Variants in LRFN5 observed in about 807,000 individuals in gnomAD.
The protein encoded by LRFN5 is leucine-rich repeat and fibronectin type-III domain-containing protein 5.
A neutral mutation model predicts 45.6 loss-of-function variants in LRFN5; 24 were observed. That is an observed-to-expected ratio of 0.53 (90% CI 0.38 to 0.74). The LOEUF (loss-of-function observed/expected upper bound fraction) is 0.74. LRFN5 is among the 30% of genes least tolerant of loss of function. The pLI is 0.00. For missense variants in LRFN5, 776 were observed against 861.5 expected, an observed-to-expected ratio of 0.90 and a Z score of 1.24; for synonymous variants, 340 against 313.8, an observed-to-expected ratio of 1.08 and a Z score of -0.88.
At position 41,893,176 on chromosome 14, in the gene LRFN5, A is replaced by G. The variant is rs545324927; in HGVS notation, c.2098+1214A>G. The G allele has an allele frequency of 7.7e-4, 755 of 982,424 alleles. 7 individuals carry two copies. The African/African-American group carries it at 0.012, about 15-fold the overall frequency. 60.9% of individuals were successfully genotyped at this position (982,424 alleles called of 1,614,324 possible). On this transcript the variant is annotated intron_variant, in intron 4 of 5. Coordinates refer to ENST00000298119, the MANE Select transcript of LRFN5 (RefSeq NM_152447.5). ...ACTGTGATAAATCTAACTAGAAATC[A>G]TGCTGCTTAGTGAGAATACATAATT...
At position 41,856,680 on chromosome 14, in the gene LRFN5, T is replaced by TTTTTTTTTTA. The variant is rs1889477274; in HGVS notation, c.-20-29917_-20-29916insATTTTTTTTT. On this transcript the variant is annotated intron_variant, in intron 2 of 5. Transcript: ENST00000298119. ...TCCTAATTATTATTATTATTATTTT[T>TTTTTTTTTTA]TTTTTTTTTTTTTTGAGACGGAGTC... Among the ~76,000 whole-genome samples the TTTTTTTTTTA allele has an allele frequency of 7.0e-5, 4 of 57,220 alleles. 1 individual carries two copies. The East Asian group carries it at 1.5e-3, about 22-fold the overall frequency. The allele number at this position is 57,220 out of a possible 152,430, so 37.5% of individuals were successfully genotyped here. A position where few individuals can be genotyped will look rare whatever the true frequency, so the allele number is the denominator to read the frequency against.
intron 2 of LRFN5, among the ~76,000 whole-genome samples, chr14:41,787,442 C>CT (rs531759821): frequency 7.0e-4 from 107 of 151,884 alleles, no homozygotes; most frequent in African/African-American, 2.5e-3. Context: ...CATTGCTACT[C>CT]TTTTTTTAGC....
intron 2 of LRFN5, among the ~76,000 whole-genome samples, chr14:41,768,829 A>G (rs1885979694): frequency 6.6e-6 from 1 of 152,182 alleles, no homozygotes; most frequent in South Asian, 2.1e-4. Flanking sequence ...GTAAATCACA[A>G]AACAAAGTAA....
intron 1 of LRFN5, among the ~76,000 whole-genome samples, chr14:41,690,523 C>T (rs1001383778): frequency 1.3e-5 from 2 of 152,038 alleles, no homozygotes; most frequent in Non-Finnish European, 2.9e-5. Flanking sequence ...CTACTGCACT[C>T]CAGCCTAGGT....
chr14:41,845,793 C>T (rs144595020), intron 2 of LRFN5, among the ~76,000 whole-genome samples: 1 of 152,204 alleles, frequency 6.6e-6, no homozygotes, highest in Non-Finnish European at 1.5e-5. Flanking sequence ...TATAGCTAAC[C>T]GCTGTAAATG....
rs945162975 is a variant in LRFN5, at chr14:41,757,252, C to T, written c.-196-9602C>T. 1.1e-4 allele frequency among the ~76,000 whole-genome samples: 16 copies of T among 152,044 alleles called. No homozygotes were observed. The South Asian group carries it at 1.5e-3, about 14-fold the overall frequency. ...CTGTTTGTTCTCAGATCTCCAGCTGCGTGCTGGGAGAACCACTACTCTCTT... is the reference window on the plus strand; with the variant it reads ...CTGTTTGTTCTCAGATCTCCAGCTGTGTGCTGGGAGAACCACTACTCTCTT... On this transcript the variant is annotated intron_variant, in intron 1 of 5. Transcript: ENST00000298119.
intron 2 of LRFN5, among the ~76,000 whole-genome samples, chr14:41,778,529 A>G (rs1001287672): frequency 6.6e-6 from 1 of 151,676 alleles, no homozygotes; most frequent in Non-Finnish European, 1.5e-5. Context: ...TATTATCATC[A>G]TGATTATGGT....
chr14:41,891,905 C>G lies in LRFN5; in HGVS notation c.2041C>G (p.Arg681Gly). The change falls in exon 4 of 6, where the codon CGT (arginine) becomes GGT (glycine). Residue 681 changes from arginine (R) to glycine (G), a missense_variant. Arg to Gly is a moderately radical substitution (Grantham distance 125). Around this residue, in one of 2 missense-constraint regions of LRFN5, gnomAD observed 465 missense variants for 456.4 expected, o/e 1.02. Coordinates refer to ENST00000298119, the MANE Select transcript of LRFN5 (RefSeq NM_152447.5). ...NNSTALQLAS[R>G]PPDSVTEGPT... ...CTCAACTGCCTTGCAGTTAGCTAGC[C>G]GTCCTCCCGATTCTGTCACAGAGGG... The G allele has an allele frequency of 6.2e-7, 1 of 1,614,106 alleles. No individual in the cohort carries two copies. Among genetic ancestry groups the G allele is most frequent in the Non-Finnish European group, 8.5e-7 (1 of 1,180,036 alleles).
At chr14:41,899,039 G>A (rs1891027534) in intron 5 of LRFN5, 79 bp downstream of exon 5, 1 of 1,149,812 alleles carries the variant, frequency 8.7e-7, no homozygotes, top group South Asian at 1.5e-5. Flanking sequence ...TAAGTAATTA[G>A]TTTGCTAATT....
intron 2 of LRFN5, among the ~76,000 whole-genome samples, chr14:41,885,060 T>C (rs1890516492): frequency 6.6e-6 from 1 of 151,198 alleles, no homozygotes; most frequent in Non-Finnish European, 1.5e-5. Flanking sequence ...CTTCATGCAA[T>C]GGGCTGAGTA....
At chr14:41,611,345 A>G (rs1004870761) in intron 1 of LRFN5, among the ~76,000 whole-genome samples, 8 of 152,204 alleles carry the variant, frequency 5.3e-5, no homozygotes, top group African/African-American at 1.9e-4. Context: ...TTTTCTGGAA[A>G]AATGGAGAGG....
chr14:41,722,698 G>A (rs902200351), intron 1 of LRFN5, among the ~76,000 whole-genome samples: 18 of 151,996 alleles, frequency 1.2e-4, no homozygotes, highest in African/African-American at 4.4e-4. Flanking sequence ...ATATTGGGCT[G>A]TGCAGTTCAT....
At chr14:41,798,708 G>C (rs1887218972) in intron 2 of LRFN5, among the ~76,000 whole-genome samples, 1 of 151,686 alleles carries the variant, frequency 6.6e-6, no homozygotes, top group African/African-American at 2.4e-5. Flanking sequence ...CTGAAACATT[G>C]TCTCATTAGA....
intron 1 of LRFN5, among the ~76,000 whole-genome samples, chr14:41,685,188 G>C (rs920221967): frequency 7.9e-5 from 12 of 152,172 alleles, no homozygotes; most frequent in African/African-American, 2.2e-4. Flanking sequence ...CCCTCCATAT[G>C]CTGTTGTTGG....
chr14:41,765,312 A>C (rs1406385409), intron 1 of LRFN5, among the ~76,000 whole-genome samples: 1 of 150,236 alleles, frequency 6.7e-6, no homozygotes, highest in Non-Finnish European at 1.5e-5. Flanking sequence ...ACTGCACTCC[A>C]GCCTGGGCTA....
At chr14:41,689,929 A>G (rs926642883) in intron 1 of LRFN5, among the ~76,000 whole-genome samples, 3 of 151,500 alleles carry the variant, frequency 2.0e-5, no homozygotes, top group African/African-American at 7.2e-5. Context: ...ATTACCCACC[A>G]AAAAGGGCTA....
chr14:41,690,798 G>C (rs1882346572), intron 1 of LRFN5, among the ~76,000 whole-genome samples: 1 of 151,982 alleles, frequency 6.6e-6, no homozygotes, highest in Admixed American at 6.6e-5. Flanking sequence ...AATTTGGTGA[G>C]AAAAAATAAA....
intron 2 of LRFN5, among the ~76,000 whole-genome samples, chr14:41,852,702 A>G (rs557618580): frequency 2.0e-5 from 3 of 151,900 alleles, no homozygotes; most frequent in Non-Finnish European, 4.4e-5. Context: ...CCAAAACTTT[A>G]TTCTCTTTAG....
chr14:41,764,249 G>T (rs1594687853), intron 1 of LRFN5, among the ~76,000 whole-genome samples: 1 of 152,102 alleles, frequency 6.6e-6, no homozygotes, highest in African/African-American at 2.4e-5. Flanking sequence ...TCCTCATTTT[G>T]CTATTTACCT....
Sources: allele counts gnomAD v4.1 joint callset (sites outside exome capture counted in the v4.1 genomes callset), GRCh38; gene constraint gnomAD v4.1.1; regional missense constraint gnomAD v4.1.1; transcripts MANE v1.5; gene names NCBI Gene and HGNC (gene_info 2026-07-23, HGNC 2026-07-21).